SLC6A5: variants seen among roughly 807,000 people sequenced by gnomAD.
SLC6A5 encodes sodium- and chloride-dependent glycine transporter 2.
SLC6A5 carries 58 observed loss-of-function variants against 90.5 expected under a neutral mutation model. The ratio of observed to expected loss-of-function variants is 0.64; its 90% CI spans 0.52 to 0.80. The LOEUF (loss-of-function observed/expected upper bound fraction) is 0.80. Ranked by LOEUF, SLC6A5 falls within the 30% of genes least tolerant of loss-of-function variation. The probability of loss-of-function intolerance (pLI) is 0.00; values close to 1 mark genes in which losing one functional copy is unlikely to be tolerated. For missense variants in SLC6A5, 1,015 were observed against 1,017.6 expected, an observed-to-expected ratio of 1.00 and a Z score of 0.03; for synonymous variants, 427 against 401.4, an observed-to-expected ratio of 1.06 and a Z score of -0.76.
At chr11:20,642,840 C>T (rs186505411) in intron 13 of SLC6A5, among the ~76,000 whole-genome samples, 79 of 152,280 alleles carry the variant, frequency 5.2e-4, no homozygotes, top group African/African-American at 1.5e-3. Flanking sequence ...AGGAATGGCA[C>T]GGTGCAGGAG....
chr11:20,639,281 C>T (rs1217104150), intron 13 of SLC6A5, among the ~76,000 whole-genome samples: 1 of 152,012 alleles, frequency 6.6e-6, no homozygotes, highest in Admixed American at 6.6e-5. Flanking sequence ...GATTCAAGGC[C>T]CTACTGACTT....
intron 10 of SLC6A5, among the ~76,000 whole-genome samples, chr11:20,634,970 A>G (rs753361100): frequency 1.3e-5 from 2 of 151,964 alleles, no homozygotes; most frequent in Non-Finnish European, 2.9e-5. Flanking sequence ...GCTACCTTTG[A>G]TTACAGTAAT....
At position 20,656,936 on chromosome 11, in the gene SLC6A5, A is replaced by G. The variant is rs1853644175; in HGVS notation, c.*2068A>G. On this transcript the variant is annotated 3_prime_UTR_variant, in exon 16 of 16. Coordinates refer to ENST00000525748, the MANE Select transcript of SLC6A5 (RefSeq NM_004211.5). ...GCAGACGTCGCACAATGGTACCAAAAATGAGCCTCTCCAGCTGATACCTGG... is the reference window on the plus strand; with the variant it reads ...GCAGACGTCGCACAATGGTACCAAAGATGAGCCTCTCCAGCTGATACCTGG... The G allele has an allele frequency of 6.6e-6, 1 of 152,210 alleles. No homozygotes were observed. The highest frequency in any genetic ancestry group is 1.9e-4 in the East Asian group (1 of 5,192). 9.4% of individuals were successfully genotyped at this position (152,210 alleles called of 1,614,324 possible). A position where few individuals can be genotyped will look rare whatever the true frequency, so the allele number is the denominator to read the frequency against.
rs116313557 is a variant in SLC6A5, at chr11:20,654,891, G to T, written c.*23G>T. The stretch of plus-strand genomic sequence containing the variant: ...TAGTCCAGTGGTGTGGGATGGTCCA[G>T]ACTTGATCCTGTTTTTCCTCTCTGC... On this transcript the variant is annotated 3_prime_UTR_variant, in exon 16 of 16. Transcript: ENST00000525748. 544 of 1,613,010 alleles carry T rather than the reference G, an allele frequency of 3.4e-4. No individual in the cohort carries two copies. The African/African-American group carries it at 6.0e-3, about 18-fold the overall frequency.
intron 7 of SLC6A5, among the ~76,000 whole-genome samples, chr11:20,624,152 T>A (rs1279280610): frequency 6.7e-6 from 1 of 148,426 alleles, no homozygotes; most frequent in African/African-American, 2.5e-5. Flanking sequence ...ATATATATAT[T>A]ATATATATAT....
chr11:20,604,244 C>A (rs1176647512), intron 2 of SLC6A5, 42 bp from the exon 3 acceptor site: 3 of 1,573,276 alleles, frequency 1.9e-6, no homozygotes, highest in South Asian at 1.2e-5. Context: ...GCTTGTGGAC[C>A]TACTCGGGGC....
intron 13 of SLC6A5, among the ~76,000 whole-genome samples, chr11:20,640,573 T>G (rs1209156675): frequency 6.6e-6 from 1 of 152,166 alleles, no homozygotes; most frequent in African/African-American, 2.4e-5. Flanking sequence ...GACTCTGTGC[T>G]GGGCTCAGGT....
rs1455112680 is a variant in SLC6A5 at position 20,638,521 on chromosome 11, T to A, written c.1932T>A (p.Ile644=). ...CTGCCTCCTATGCCCTTGTCATCAT[T>A]GCCATTTTTGAGCTCGTGGGGATCT... The part of the protein sequence containing the change: ...TYAASYALVI[I]AIFELVGISY... The change falls in exon 13 of 16, where the codon ATT becomes ATA. Residue 644 remains isoleucine (I), a synonymous_variant. Transcript: ENST00000525748. 1 of 1,613,028 alleles carries A rather than the reference T, an allele frequency of 6.2e-7. No individual in the cohort carries two copies. Among genetic ancestry groups the A allele is most frequent in the African/African-American group, 1.3e-5 (1 of 74,882 alleles).
intron 13 of SLC6A5, among the ~76,000 whole-genome samples, 153 bp from the exon 14 acceptor site, chr11:20,646,681 A>G (rs1183468525): frequency 6.6e-6 from 1 of 152,040 alleles, no homozygotes; most frequent in Non-Finnish European, 1.5e-5. Context: ...CATTTGTCTG[A>G]TGGTTCCCTG....
intron 14 of SLC6A5, among the ~76,000 whole-genome samples, chr11:20,649,207 A>C (rs1473008152): frequency 6.6e-6 from 1 of 152,206 alleles, no homozygotes; most frequent in Admixed American, 6.5e-5. Flanking sequence ...TTTCTAATAT[A>C]AATCTTATGC....
chr11:20,601,606 C>T lies in SLC6A5; in HGVS notation c.481C>T (p.Leu161=). The T allele has an allele frequency of 6.2e-7, 1 of 1,614,118 alleles. No individual in the cohort carries two copies. The highest frequency in any genetic ancestry group is 8.5e-7 in the Non-Finnish European group (1 of 1,179,978). ...GAACATGAGCCAGAGCACCGTGGTG[C>T]TGGCCACGGATGGAATCACGTCCGT... ...WVNMSQSTVV[L]ATDGITSVLP... is the part of the protein sequence containing the mutation. The change falls in exon 2 of 16, where the codon CTG becomes TTG. Residue 161 remains leucine (L), a synonymous_variant. Transcript: ENST00000525748.
chr11:20,626,418 T>C lies in SLC6A5; in HGVS notation c.1261-290T>C, dbSNP rs559292038. On this transcript the variant is annotated intron_variant, in intron 7 of 15. Coordinates refer to ENST00000525748, the MANE Select transcript of SLC6A5 (RefSeq NM_004211.5). The stretch of plus-strand genomic sequence containing the variant: ...TTCTCTCTGTGGTCCCCTAAGGAGT[T>C]GTGTACTCATCAGCTGGGCTGGATG... Among the ~76,000 whole-genome samples the C allele has an allele frequency of 4.6e-5, 7 of 152,044 alleles. No individual in the cohort carries two copies. In the South Asian group the frequency reaches 1.0e-3, roughly 23 times the overall value.
chr11:20,612,013 A>T (rs898935039), intron 5 of SLC6A5, among the ~76,000 whole-genome samples: 4 of 152,204 alleles, frequency 2.6e-5, no homozygotes, highest in Non-Finnish European at 5.9e-5. Flanking sequence ...CTGTTGGGCA[A>T]TGGACCTATT....
chr11:20,629,730 ATTT>A (rs200051883), intron 9 of SLC6A5, among the ~76,000 whole-genome samples: 4 of 137,748 alleles, frequency 2.9e-5, no homozygotes, highest in Non-Finnish European at 1.6e-5. Flanking sequence ...CTGTAGGATG[ATTT>A]TTTTTTTTTT....
chr11:20,601,031 T>A, intron 1 of SLC6A5, 98 bp from the exon 2 acceptor site: 2 of 1,216,948 alleles, frequency 1.6e-6, no homozygotes, highest in African/African-American at 1.6e-5. Context: ...CCAGATATTG[T>A]GTCTGGACCT....
At chr11:20,613,652 CTTTTTT>C (rs3045403) in intron 5 of SLC6A5, among the ~76,000 whole-genome samples, 1,897 of 126,380 alleles carry the variant, frequency 0.015, 50 homozygotes, top group African/African-American at 0.054. Context: ...CTAAATAATT[CTTTTTT>C]TTTTTTTTTT....
In SLC6A5 at chr11:20,599,667, TCA is replaced by T; in HGVS notation, c.-5_-4del. 2 of 1,614,086 alleles carry T rather than the reference TCA, an allele frequency of 1.2e-6. No individual in the cohort carries two copies. Among genetic ancestry groups the T allele is most frequent in the Middle Eastern group, 1.6e-4 (1 of 6,062 alleles). On this transcript the variant is annotated 5_prime_UTR_variant, in exon 1 of 16. Coordinates refer to ENST00000525748, the MANE Select transcript of SLC6A5 (RefSeq NM_004211.5). Reference sequence around the variant, plus strand: ...CCACCAGTTCAGTCTGTTGCCTGTGTCAGACATGGTGAGTGTTTGCTTTTGTT... The same window carrying T: ...CCACCAGTTCAGTCTGTTGCCTGTGTGACATGGTGAGTGTTTGCTTTTGTT...
chr11:20,651,263 C>G (rs112917318), intron 14 of SLC6A5, among the ~76,000 whole-genome samples: 1 of 132,594 alleles, frequency 7.5e-6, no homozygotes, highest in African/African-American at 2.9e-5. Flanking sequence ...TCCTCTCCCC[C>G]ACCCCTCCTA....
At chr11:20,643,530 G>T (rs772024058) in intron 13 of SLC6A5, among the ~76,000 whole-genome samples, 6 of 152,236 alleles carry the variant, frequency 3.9e-5, no homozygotes, top group Admixed American at 1.3e-4. Context: ...AGCTCATTTG[G>T]CTCAGTCTCC....
Sources: allele counts gnomAD v4.1 joint callset (sites outside exome capture counted in the v4.1 genomes callset), GRCh38; gene constraint gnomAD v4.1.1; transcripts MANE v1.5; gene names NCBI Gene and HGNC (gene_info 2026-07-23, HGNC 2026-07-21).